Variants in PDE7B observed in about 807,000 individuals in gnomAD.
PDE7B encodes 3',5'-cyclic-AMP phosphodiesterase 7B.
Under a neutral mutation model 56.2 loss-of-function variants are expected in PDE7B, and 29 were observed. That is an observed-to-expected ratio of 0.52 (90% CI 0.38 to 0.70). PDE7B has a LOEUF of 0.70. Among genes scored for constraint, PDE7B ranks in the 30% least tolerant of loss-of-function variants. The pLI is 0.00. For synonymous variants in PDE7B, 197 were observed against 196.9 expected, an observed-to-expected ratio of 1.00 and a Z score of 0.00; for missense variants, 490 against 565.0, an observed-to-expected ratio of 0.87 and a Z score of 1.35.
At chr6:135,967,422 A>G (rs899593616) in intron 2 of PDE7B, among the ~76,000 whole-genome samples, 4 of 152,218 alleles carry the variant, frequency 2.6e-5, no homozygotes, top group African/African-American at 4.8e-5. Context: ...AAACCTTGGT[A>G]GTTGAGTGAA....
At chr6:136,090,106 G>C (rs945104434) in intron 2 of PDE7B, among the ~76,000 whole-genome samples, 7 of 152,086 alleles carry the variant, frequency 4.6e-5, no homozygotes, top group Admixed American at 2.0e-4. Flanking sequence ...ATTAGTGTTA[G>C]CCTTGAATGA....
At chr6:136,149,199 AT>A (rs1391144285) in intron 5 of PDE7B, 49 bp downstream of exon 5, 1 of 1,242,246 alleles carries the variant, frequency 8.0e-7, no homozygotes, top group South Asian at 1.2e-5. Flanking sequence ...ATAAAGTGGG[AT>A]TAATTTCATG....
At chr6:135,956,909 G>C (rs189245635) in intron 2 of PDE7B, among the ~76,000 whole-genome samples, 87 of 150,880 alleles carry the variant, frequency 5.8e-4, no homozygotes, top group African/African-American at 1.8e-3. Context: ...AAGGAAGGAA[G>C]GAACGAAAAG....
chr6:136,169,472 G>T (rs1778847737), intron 8 of PDE7B, among the ~76,000 whole-genome samples: 4 of 152,142 alleles, frequency 2.6e-5, no homozygotes, highest in African/African-American at 4.8e-5. Context: ...TCTGTCTTCA[G>T]GAAGATTATT....
At chr6:136,141,881 A>G (rs946165402) in intron 3 of PDE7B, among the ~76,000 whole-genome samples, 2 of 151,986 alleles carry the variant, frequency 1.3e-5, no homozygotes, top group African/African-American at 2.4e-5. Context: ...CAGTCTATCA[A>G]TTTTGTTGAT....
At chr6:136,172,077 G>T (rs1312340713) in intron 8 of PDE7B, among the ~76,000 whole-genome samples, 2 of 152,050 alleles carry the variant, frequency 1.3e-5, no homozygotes, top group Non-Finnish European at 2.9e-5. Context: ...TTGCTATTGT[G>T]AATAGTGCTG....
intron 2 of PDE7B, among the ~76,000 whole-genome samples, chr6:136,014,805 G>A (rs1010162025): frequency 1.3e-4 from 20 of 152,228 alleles, no homozygotes; most frequent in Admixed American, 5.9e-4. Flanking sequence ...ATGACAATGC[G>A]TAAAACACAT....
intron 3 of PDE7B, among the ~76,000 whole-genome samples, chr6:136,129,009 C>T (rs3799386): frequency 0.28 from 42,937 of 152,082 alleles, 7,448 homozygotes; most frequent in South Asian, 0.42. Flanking sequence ...TAATTGCAAA[C>T]TAATTCAAGC....
intron 3 of PDE7B, among the ~76,000 whole-genome samples, chr6:136,142,833 G>T (rs1439626364): frequency 7.1e-6 from 1 of 141,188 alleles, no homozygotes; most frequent in African/African-American, 2.8e-5. Context: ...TTTATTTTGA[G>T]CCTATGTGTG....
chr6:135,934,723 C>G (rs1332682750), intron 1 of PDE7B, among the ~76,000 whole-genome samples: 1 of 88,872 alleles, frequency 1.1e-5, no homozygotes, highest in Non-Finnish European at 2.3e-5. Flanking sequence ...GAGTGAAACT[C>G]TGTCTCAAAA....
At chr6:135,859,890 C>T (rs1775113507) in intron 1 of PDE7B, among the ~76,000 whole-genome samples, 1 of 151,518 alleles carries the variant, frequency 6.6e-6, no homozygotes, top group African/African-American at 2.4e-5. Context: ...ATTCAATTTG[C>T]TTATTTTGTG....
chr6:135,957,812 G>A (rs928434485), intron 2 of PDE7B, among the ~76,000 whole-genome samples: 7 of 152,024 alleles, frequency 4.6e-5, no homozygotes, highest in Admixed American at 2.0e-4. Flanking sequence ...ACCTGTCTTG[G>A]CCTAAAAGGG....
chr6:136,022,084 C>T (rs766665528), intron 2 of PDE7B, among the ~76,000 whole-genome samples: 8 of 152,182 alleles, frequency 5.3e-5, no homozygotes, highest in Non-Finnish European at 1.2e-4. Context: ...CTTTTTCTGC[C>T]TCAAGTCCTC....
chr6:136,098,147 G>GGA lies in PDE7B; in HGVS notation c.83-10584_83-10583insGA, dbSNP rs1554279577. On this transcript the variant is annotated intron_variant, in intron 2 of 12. Coordinates refer to ENST00000308191, the MANE Select transcript of PDE7B (RefSeq NM_018945.4). Reference sequence around the variant, plus strand: ...TCTTTAGTTCCTGGGGGGGGGGGGGGAAATATATGTATATATATACACACA... The same window carrying GGA: ...TCTTTAGTTCCTGGGGGGGGGGGGGGGAAAATATATGTATATATATACACACA... 12 of 62,874 alleles carry GGA rather than the reference G, an allele frequency of 1.9e-4. No homozygotes were observed. In the South Asian group the frequency reaches 2.3e-3, roughly 12 times the overall value. The allele number at this position is 62,874 out of a possible 1,614,324, so 3.9% of individuals were successfully genotyped here. A position where few individuals can be genotyped will look rare whatever the true frequency, so the allele number is the denominator to read the frequency against.
chr6:136,154,246 A>T, intron 7 of PDE7B, 71 bp downstream of exon 7: 2 of 845,148 alleles, frequency 2.4e-6, no homozygotes, highest in Non-Finnish European at 4.0e-6. Context: ...GGCCCAAGTT[A>T]CCCAACATAT....
intron 2 of PDE7B, among the ~76,000 whole-genome samples, chr6:135,963,498 A>G (rs1774943216): frequency 6.6e-6 from 1 of 152,182 alleles, no homozygotes; most frequent in African/African-American, 2.4e-5. Flanking sequence ...AAAACTCTAT[A>G]AAGAACTACA....
intron 2 of PDE7B, among the ~76,000 whole-genome samples, chr6:136,053,875 TC>T (rs1776680066): frequency 6.6e-6 from 1 of 152,224 alleles, no homozygotes; most frequent in African/African-American, 2.4e-5. Flanking sequence ...AAGTGTCTGT[TC>T]ATATCCTTTG....
intron 5 of PDE7B, among the ~76,000 whole-genome samples, chr6:136,149,649 A>T (rs1299459746): frequency 6.6e-6 from 1 of 152,228 alleles, no homozygotes; most frequent in Non-Finnish European, 1.5e-5. Flanking sequence ...GCTGCAGCCA[A>T]AGGGAAAAGC....
chr6:136,189,132 G>A (rs1035794776), intron 12 of PDE7B, among the ~76,000 whole-genome samples: 9 of 151,860 alleles, frequency 5.9e-5, no homozygotes, highest in African/African-American at 2.2e-4. Flanking sequence ...TCCAAAATGA[G>A]AATTTTCTGA....
Sources: gnomAD v4.1 joint callset for allele counts (sites outside exome capture counted in the v4.1 genomes callset) on GRCh38, gnomAD v4.1.1 for gene constraint, MANE v1.5 for transcripts, NCBI Gene and HGNC (gene_info 2026-07-23, HGNC 2026-07-21) for gene names.